CSMD3: variants seen among roughly 807,000 people sequenced by gnomAD.
CSMD3 encodes CUB and Sushi multiple domains 3, also known as CUB and sushi domain-containing protein 3.
In CSMD3, 177 loss-of-function variants were observed where a neutral mutation model predicts 435.2. That is an observed-to-expected ratio of 0.41 (90% CI 0.36 to 0.46). CSMD3 has a LOEUF of 0.46. CSMD3 is among the 20% of genes least tolerant of loss of function. The pLI, the probability that CSMD3 is intolerant of heterozygous loss-of-function variation, is 0.34. For synonymous variants in CSMD3, 1,656 were observed against 1,520.5 expected, an observed-to-expected ratio of 1.09 and a Z score of -2.07; for missense variants, 4,265 against 4,504.6, an observed-to-expected ratio of 0.95 and a Z score of 1.52.
intron 1 of CSMD3, among the ~76,000 whole-genome samples, chr8:113,363,922 A>G (rs2094294446): frequency 6.6e-6 from 1 of 152,026 alleles, no homozygotes; most frequent in Admixed American, 6.6e-5. Context: ...TTCTTTGGGG[A>G]TTGTATCTAA....
At chr8:113,168,519 CAAAAA>C (rs71281204) in intron 4 of CSMD3, among the ~76,000 whole-genome samples, 20 of 17,018 alleles carry the variant, frequency 1.2e-3, no homozygotes, top group South Asian at 6.6e-3. Flanking sequence ...GACTCTGTCT[CAAAAA>C]AAAAAAAAAA....
chr8:113,271,058 T>C (rs954540868), intron 3 of CSMD3, among the ~76,000 whole-genome samples: 6 of 151,910 alleles, frequency 3.9e-5, no homozygotes. Context: ...GAGGGATATT[T>C]TAGGGTATCT....
chr8:112,920,975 A>G (rs545198146), intron 10 of CSMD3, among the ~76,000 whole-genome samples: 96 of 144,934 alleles, frequency 6.6e-4, no homozygotes, highest in Non-Finnish European at 1.2e-3. Flanking sequence ...ATATATATAT[A>G]TGTACACACA....
intron 7 of CSMD3, among the ~76,000 whole-genome samples, chr8:112,958,712 C>T (rs985226532): frequency 1.1e-4 from 16 of 152,192 alleles, no homozygotes; most frequent in African/African-American, 2.9e-4. Flanking sequence ...CATATATTCA[C>T]GCATATAAAT....
intron 22 of CSMD3, among the ~76,000 whole-genome samples, chr8:112,611,426 T>G (rs1407576344): frequency 6.6e-6 from 1 of 152,202 alleles, no homozygotes; most frequent in African/African-American, 2.4e-5. Flanking sequence ...ATTGTCTTCT[T>G]TATGTTAATA....
At chr8:113,302,260 A>G (rs57583481) in intron 2 of CSMD3, among the ~76,000 whole-genome samples, 16,254 of 127,094 alleles carry the variant, frequency 0.13, 1,581 homozygotes, top group African/African-American at 0.28. Context: ...TATTATATAA[A>G]ATATATATAA....
At chr8:113,279,908 C>T (rs527919000) in intron 2 of CSMD3, among the ~76,000 whole-genome samples, 140 of 151,836 alleles carry the variant, frequency 9.2e-4, no homozygotes, top group Middle Eastern at 3.4e-3. Flanking sequence ...GTTTTTTCTG[C>T]ATCTGTTGAG....
chr8:113,027,808 T>C lies in CSMD3; in HGVS notation c.918-8629A>G, dbSNP rs189756343. Among the ~76,000 whole-genome samples the C allele has an allele frequency of 5.3e-3, 809 of 152,216 alleles. 10 individuals carry two copies. The highest frequency in any genetic ancestry group is 0.019 in the African/African-American group (774 of 41,552). On this transcript the variant is annotated intron_variant, in intron 5 of 70. Transcript: ENST00000297405. Reference sequence around the variant, plus strand: ...CCACTTATCACTTATTTCCAGGATCTATCCTTTAGATGAATTCTCTTATAA... The same window carrying C: ...CCACTTATCACTTATTTCCAGGATCCATCCTTTAGATGAATTCTCTTATAA...
intron 4 of CSMD3, among the ~76,000 whole-genome samples, chr8:113,164,310 T>A (rs1353909509): frequency 1.3e-5 from 2 of 151,798 alleles, no homozygotes; most frequent in Non-Finnish European, 2.9e-5. Context: ...AAATTAAATA[T>A]TAATAGATAA....
intron 61 of CSMD3, among the ~76,000 whole-genome samples, chr8:112,261,183 A>G (rs1039756925): frequency 1.3e-5 from 2 of 152,160 alleles, no homozygotes; most frequent in African/African-American, 2.4e-5. Flanking sequence ...AAGCTTCTCA[A>G]GTAAATAATG....
At chr8:113,412,903 A>C (rs1375594438) in intron 1 of CSMD3, among the ~76,000 whole-genome samples, 1 of 152,104 alleles carries the variant, frequency 6.6e-6, no homozygotes, top group Non-Finnish European at 1.5e-5. Flanking sequence ...GTTATCTCCC[A>C]AATACACACA....
chr8:112,671,468 C>T (rs1255279315), intron 16 of CSMD3, among the ~76,000 whole-genome samples: 1 of 152,100 alleles, frequency 6.6e-6, no homozygotes, highest in Non-Finnish European at 1.5e-5. Context: ...TAACATGCTC[C>T]AGTACTTTTC....
chr8:112,757,271 A>C (rs1254698796), intron 13 of CSMD3, among the ~76,000 whole-genome samples: 2 of 152,120 alleles, frequency 1.3e-5, no homozygotes, highest in East Asian at 1.9e-4. Flanking sequence ...TATTTTTCAT[A>C]GAAGTTTGCA....
chr8:112,469,627 C>T (rs947800227), intron 32 of CSMD3, among the ~76,000 whole-genome samples: 1 of 152,074 alleles, frequency 6.6e-6, no homozygotes, highest in Non-Finnish European at 1.5e-5. Flanking sequence ...ATGTACAGTT[C>T]ACAACAGGGT....
intron 7 of CSMD3, among the ~76,000 whole-genome samples, chr8:112,972,149 T>A (rs2084681694): frequency 6.6e-6 from 1 of 151,938 alleles, no homozygotes; most frequent in African/African-American, 2.4e-5. Context: ...TTGATGTCAA[T>A]TATTAATACA....
intron 7 of CSMD3, among the ~76,000 whole-genome samples, chr8:112,955,788 G>A (rs548433404): frequency 2.0e-5 from 3 of 151,788 alleles, no homozygotes; most frequent in Non-Finnish European, 4.4e-5. Context: ...AGTGAAGGAT[G>A]ACAGCCTTAA....
intron 5 of CSMD3, among the ~76,000 whole-genome samples, chr8:113,081,561 G>A (rs1323889598): frequency 1.3e-5 from 2 of 152,126 alleles, no homozygotes; most frequent in Non-Finnish European, 2.9e-5. Context: ...AGTCTCTTGT[G>A]ACTGCGTTGT....
intron 40 of CSMD3, among the ~76,000 whole-genome samples, chr8:112,349,125 A>C (rs1276943230): frequency 6.6e-6 from 1 of 152,108 alleles, no homozygotes; most frequent in Non-Finnish European, 1.5e-5. Context: ...TGTGTTCATA[A>C]TAAATATAAA....
At chr8:113,083,045 C>T (rs189206580) in intron 5 of CSMD3, among the ~76,000 whole-genome samples, 5 of 152,172 alleles carry the variant, frequency 3.3e-5, no homozygotes, top group South Asian at 2.1e-4. Flanking sequence ...TAGCTGAAAA[C>T]GTCCCATGTC....
Sources: allele counts gnomAD v4.1 joint callset (sites outside exome capture counted in the v4.1 genomes callset), GRCh38; gene constraint gnomAD v4.1.1; transcripts MANE v1.5; gene names NCBI Gene and HGNC (gene_info 2026-07-23, HGNC 2026-07-21).